MCTP2: variants seen among roughly 807,000 people sequenced by gnomAD.
The protein encoded by MCTP2 is multiple C2 and transmembrane domain containing 2.
In MCTP2, 132 loss-of-function variants were observed where a neutral mutation model predicts 111.6. The ratio of observed to expected loss-of-function variants is 1.18; its 90% CI spans 1.03 to 1.37. The LOEUF (loss-of-function observed/expected upper bound fraction) is 1.37. Ranked by LOEUF, MCTP2 falls within the 40% of genes most tolerant of loss-of-function variation. The pLI is 0.00. For synonymous variants in MCTP2, 395 were observed against 387.7 expected, an observed-to-expected ratio of 1.02 and a Z score of -0.22; for missense variants, 1,183 against 1,067.9, an observed-to-expected ratio of 1.11 and a Z score of -1.50.
intron 14 of MCTP2, among the ~76,000 whole-genome samples, chr15:94,390,089 T>TATATATATATAC (rs1567602819): frequency 2.2e-4 from 3 of 13,612 alleles, no homozygotes; most frequent in Middle Eastern, 0.045. Context: ...TATATATATA[T>TATATATATATAC]GTATATATAT....
In MCTP2 at chr15:94,481,840, TTCTC is replaced by T. The variant is rs750362106; in HGVS notation, c.*2808_*2811del. 1.3e-5 allele frequency: 2 copies of T among 152,240 alleles called. No homozygotes were observed. Among genetic ancestry groups the T allele is most frequent in the African/African-American group, 4.8e-5 (2 of 41,454 alleles). The allele number at this position is 152,240 out of a possible 1,614,324, so 9.4% of individuals were successfully genotyped here. A position where few individuals can be genotyped will look rare whatever the true frequency, so the allele number is the denominator to read the frequency against. On this transcript the variant is annotated 3_prime_UTR_variant, in exon 23 of 23. Transcript: ENST00000357742. ...GCCAGGTCGTAGAGATTATTTTTCT[TTCTC>T]TGCCTTTTCATGTGCTGCTTTCAGA...
At chr15:94,296,360 C>T (rs2075277146) in intron 1 of MCTP2, among the ~76,000 whole-genome samples, 1 of 152,122 alleles carries the variant, frequency 6.6e-6, no homozygotes, top group African/African-American at 2.4e-5. Context: ...CATTTAAAGC[C>T]AAAATGACCC....
In MCTP2 at chr15:94,379,799, A is replaced by T. The variant is rs144775655; in HGVS notation, c.1583-4223A>T. 5.3e-3 allele frequency among the ~76,000 whole-genome samples: 756 copies of T among 142,530 alleles called. 6 individuals carry two copies. Among genetic ancestry groups the T allele is most frequent in the African/African-American group, 0.019 (665 of 35,938 alleles). 93.5% of individuals were successfully genotyped at this position (142,530 alleles called of 152,430 possible). A position where few individuals can be genotyped will look rare whatever the true frequency, so the allele number is the denominator to read the frequency against. On this transcript the variant is annotated intron_variant, in intron 12 of 22. Transcript: ENST00000357742. Reference sequence around the variant, plus strand: ...TAATATATAATTATATATGATATGTAATATATAATTATATGACATAATTAT... The same window carrying T: ...TAATATATAATTATATATGATATGTTATATATAATTATATGACATAATTAT...
intron 1 of MCTP2, among the ~76,000 whole-genome samples, chr15:94,245,362 ATATT>A (rs1030284481): frequency 7.2e-6 from 1 of 138,944 alleles, no homozygotes; most frequent in Admixed American, 7.4e-5. Flanking sequence ...ATATGTATAT[ATATT>A]TACATACATA....
intron 17 of MCTP2, among the ~76,000 whole-genome samples, chr15:94,408,882 C>G (rs1368503322): frequency 1.3e-5 from 2 of 152,208 alleles, no homozygotes; most frequent in African/African-American, 4.8e-5. Flanking sequence ...TTAGCTCCCC[C>G]TTTTGTGTGT....
intron 1 of MCTP2, among the ~76,000 whole-genome samples, chr15:94,254,675 C>T (rs543345358): frequency 2.6e-5 from 4 of 152,260 alleles, no homozygotes; most frequent in East Asian, 1.9e-4. Flanking sequence ...AGCTATCTAA[C>T]GCTTAAGAAG....
intron 21 of MCTP2, among the ~76,000 whole-genome samples, chr15:94,471,977 A>G (rs1359347943): frequency 2.0e-5 from 3 of 152,188 alleles, no homozygotes; most frequent in Non-Finnish European, 4.4e-5. Flanking sequence ...TTTTAAGTTC[A>G]TGTAAGTTGA....
At position 94,236,377 on chromosome 15, in the gene MCTP2, C is replaced by CTTTTTTTTTT. The variant is rs71132992; in HGVS notation, c.-66+4732_-66+4741dup. ...TATGATTCAATCCTTTCTTTTTTTT[C>CTTTTTTTTTT]TTTTTTTTTTTTTTTTTTTTTTTTT... is the stretch of plus-strand genomic sequence containing the variant. On this transcript the variant is annotated intron_variant, in intron 1 of 22. Transcript: ENST00000357742. Among the ~76,000 whole-genome samples, 271 of 72,548 alleles carry CTTTTTTTTTT rather than the reference C, an allele frequency of 3.7e-3. 18 individuals carry two copies. The highest frequency in any genetic ancestry group is 8.4e-3 in the East Asian group (18 of 2,152). 47.6% of individuals were successfully genotyped at this position (72,548 alleles called of 152,430 possible).
At chr15:94,292,073 A>G (rs745937404) in intron 1 of MCTP2, among the ~76,000 whole-genome samples, 4 of 152,232 alleles carry the variant, frequency 2.6e-5, no homozygotes, top group Admixed American at 6.5e-5. Flanking sequence ...CTAAATCAAG[A>G]AGAGAGAAAT....
chr15:94,245,532 A>G (rs572924182), intron 1 of MCTP2, among the ~76,000 whole-genome samples: 6 of 142,480 alleles, frequency 4.2e-5, no homozygotes, highest in East Asian at 2.0e-4. Context: ...ATATTTATAT[A>G]CATACATGTA....
intron 2 of MCTP2, among the ~76,000 whole-genome samples, chr15:94,307,839 A>G (rs949564109): frequency 1.3e-5 from 2 of 152,054 alleles, no homozygotes; most frequent in African/African-American, 4.8e-5. Flanking sequence ...TGTCCTGGTC[A>G]CTTTCGGTGG....
At chr15:94,247,982 G>A (rs919370381) in intron 1 of MCTP2, among the ~76,000 whole-genome samples, 2 of 152,112 alleles carry the variant, frequency 1.3e-5, no homozygotes, top group African/African-American at 4.8e-5. Flanking sequence ...AGTATTGCAG[G>A]GTGGTATTGA....
chr15:94,390,049 C>CGT (rs2080783478), intron 14 of MCTP2, among the ~76,000 whole-genome samples: 20 of 109,680 alleles, frequency 1.8e-4, no homozygotes, highest in Non-Finnish European at 3.3e-4. Flanking sequence ...ATGTTCAAGG[C>CGT]ATATATATAT....
chr15:94,466,467 T>G (rs2073314142), intron 20 of MCTP2, among the ~76,000 whole-genome samples: 1 of 152,148 alleles, frequency 6.6e-6, no homozygotes, highest in South Asian at 2.1e-4. Context: ...GCAACACTGG[T>G]AGCATAAACT....
intron 1 of MCTP2, among the ~76,000 whole-genome samples, chr15:94,293,441 T>A (rs1378219933): frequency 6.6e-6 from 1 of 152,150 alleles, no homozygotes; most frequent in Admixed American, 6.5e-5. Context: ...AGGAAATGCA[T>A]AGAAAGGTTT....
At chr15:94,471,995 G>A (rs769533325) in intron 21 of MCTP2, among the ~76,000 whole-genome samples, 1 of 152,166 alleles carries the variant, frequency 6.6e-6, no homozygotes, top group Non-Finnish European at 1.5e-5. Flanking sequence ...TGAGTGCCAT[G>A]GTCAGCTGTT....
At chr15:94,330,655 C>G (rs888358066) in intron 4 of MCTP2, among the ~76,000 whole-genome samples, 3 of 152,050 alleles carry the variant, frequency 2.0e-5, no homozygotes, top group Non-Finnish European at 4.4e-5. Flanking sequence ...ACAGGGACAA[C>G]CATGTATGAG....
At chr15:94,313,118 G>A (rs28378790) in intron 2 of MCTP2, among the ~76,000 whole-genome samples, 1,729 of 152,222 alleles carry the variant, frequency 0.011, 40 homozygotes, top group African/African-American at 0.039. Flanking sequence ...GGGAAATTCC[G>A]TGGTTTTCAT....
In MCTP2 at chr15:94,399,756, T is replaced by A. The variant is rs1335988586; in HGVS notation, c.1891-165T>A. 8.0e-5 allele frequency: 49 copies of A among 612,420 alleles called. No individual in the cohort carries two copies. In the South Asian group the frequency reaches 9.7e-4, roughly 12 times the overall value. 37.9% of individuals were successfully genotyped at this position (612,420 alleles called of 1,614,324 possible). ...CCAGGGACTCTTATCAAATGAGACC[T>A]CCAGAAACATGTACAGGGCACAGGG... On this transcript the variant is annotated intron_variant, in intron 15 of 22. Coordinates refer to ENST00000357742, the MANE Select transcript of MCTP2 (RefSeq NM_001385001.1).
Sources: gnomAD v4.1 joint callset for allele counts (sites outside exome capture counted in the v4.1 genomes callset) on GRCh38, gnomAD v4.1.1 for gene constraint, MANE v1.5 for transcripts, NCBI Gene and HGNC (gene_info 2026-07-23, HGNC 2026-07-21) for gene names.